Variants in VPS13D observed in about 807,000 individuals in gnomAD.
The protein encoded by VPS13D is vacuolar protein sorting 13 homolog D.
In VPS13D, 187 loss-of-function variants were observed where a neutral mutation model predicts 461.9. The ratio of observed to expected loss-of-function variants is 0.40; its 90% CI spans 0.36 to 0.46. VPS13D has a LOEUF of 0.46. Among genes scored for constraint, VPS13D ranks in the 20% least tolerant of loss-of-function variants. VPS13D has a pLI of 0.60. For synonymous variants in VPS13D, 1,951 were observed against 1,986.3 expected (o/e 0.98, Z 0.47); for missense variants, 4,711 against 5,364.9 (o/e 0.88, Z 3.81).
At chr1:12,325,992 T>C (rs1261116052) in intron 35 of VPS13D, among the ~76,000 whole-genome samples, 3 of 149,762 alleles carry the variant, frequency 2.0e-5, no homozygotes, top group Non-Finnish European at 3.0e-5. Context: ...TTTTTTTTAA[T>C]TTTTCTTTTT....
intron 67 of VPS13D, chr1:12,478,758 A>G: frequency 2.2e-6 from 1 of 454,766 alleles, no homozygotes; most frequent in South Asian, 1.6e-5. Flanking sequence ...GAAACGGGAC[A>G]CCTTAGTGCT....
Position 12,297,162 on chromosome 1 carries a change from A to T in VPS13D, c.6034-2040A>T, listed in dbSNP as rs142200037. 6.4e-3 allele frequency among the ~76,000 whole-genome samples: 969 copies of T among 152,256 alleles called. 31 individuals are homozygous for T. The highest frequency in any genetic ancestry group is 0.053 in the Admixed American group (804 of 15,280). ...GAAATTTAAATTTCTTTCACCTTGT[A>T]TTGGTGACACGTGTTTTTGACATGT... On this transcript the variant is annotated intron_variant, in intron 24 of 69. Transcript: ENST00000620676.
Position 12,473,395 on chromosome 1 carries a change from C to G in VPS13D, c.12662+12999C>G, listed in dbSNP as rs1241988486. ...CAGGAAGCAAGAAGGGGTTCCGCAG[C>G]ACTGGCTGCTTCCGGCATCTGCAGT... On this transcript the variant is annotated intron_variant, in intron 67 of 69. Coordinates refer to ENST00000620676, the MANE Select transcript of VPS13D (RefSeq NM_015378.4). The surrounding 1 kb of genome is among the most constrained non-coding windows in gnomAD (Gnocchi z 4.2). Among the ~76,000 whole-genome samples the G allele has an allele frequency of 1.3e-5, 2 of 152,202 alleles. No individual in the cohort carries two copies. Among genetic ancestry groups the G allele is most frequent in the African/African-American group, 4.8e-5 (2 of 41,452 alleles).
Position 12,460,375 on chromosome 1 carries a change from C to T in VPS13D, c.12641C>T (p.Thr4214Ile). ...ASETAQAVRD[T>I]ATLSGPRTQA... ...GAAACAGCCCAGGCGGTGAGAGACACAGCCACACTCAGCGGCCCCAGGTCA... is the reference window on the plus strand; with the variant it reads ...GAAACAGCCCAGGCGGTGAGAGACATAGCCACACTCAGCGGCCCCAGGTCA... Residue 4214 changes from threonine to isoleucine, a missense_variant, in exon 67 of 70, where the codon ACA (threonine) becomes ATA (isoleucine). Physicochemically the swap from Thr to Ile is moderately conservative, Grantham distance 89 (BLOSUM62 -1). Coordinates refer to ENST00000620676, the MANE Select transcript of VPS13D (RefSeq NM_015378.4). 6.2e-7 allele frequency: 1 copy of T among 1,602,904 alleles called. No individual in the cohort carries two copies. Among genetic ancestry groups the T allele is most frequent in the Non-Finnish European group, 8.5e-7 (1 of 1,174,168 alleles).
intron 57 of VPS13D, among the ~76,000 whole-genome samples, chr1:12,382,217 TCAGCCTCCTGAGTAGCTGG>T (rs1644292607): frequency 6.6e-6 from 1 of 152,020 alleles, no homozygotes; most frequent in South Asian, 2.1e-4. Flanking sequence ...TTCTCCTGCC[TCAGCCTCCTGAGTAGCTGG>T]GATTACAGTT....
chr1:12,244,102 C>T, intron 3 of VPS13D, 144 bp from the exon 4 acceptor site: 1 of 750,068 alleles, frequency 1.3e-6, no homozygotes, highest in East Asian at 2.7e-5. Flanking sequence ...TTCACATGTG[C>T]AAGAGCCTGC....
chr1:12,475,058 C>T (rs185504830), intron 67 of VPS13D, among the ~76,000 whole-genome samples: 12 of 152,080 alleles, frequency 7.9e-5, no homozygotes, highest in African/African-American at 2.4e-4. Flanking sequence ...ATGTATTGTG[C>T]GGAAGTGGCA....
intron 39 of VPS13D, chr1:12,336,409 C>T (rs755171296): frequency 3.3e-5 from 5 of 152,302 alleles, no homozygotes; most frequent in Non-Finnish European, 7.3e-5. Flanking sequence ...TTTAATGCCT[C>T]GCCAGCTCTG....
chr1:12,368,309 A>G (rs908539748), intron 52 of VPS13D, among the ~76,000 whole-genome samples, 159 bp from the exon 53 acceptor site: 1 of 152,162 alleles, frequency 6.6e-6, no homozygotes, highest in Non-Finnish European at 1.5e-5. Context: ...ACCAATTTCT[A>G]CTTTTTTCAG....
chr1:12,348,562 T>G (rs1643726283), intron 44 of VPS13D, among the ~76,000 whole-genome samples: 1 of 152,210 alleles, frequency 6.6e-6, no homozygotes, highest in African/African-American at 2.4e-5. Flanking sequence ...TAGGACTGAT[T>G]TTTCTTAGTG....
intron 67 of VPS13D, among the ~76,000 whole-genome samples, chr1:12,480,181 C>T (rs537808642): frequency 6.6e-6 from 1 of 152,324 alleles, no homozygotes; most frequent in Non-Finnish European, 1.5e-5. Context: ...GCCAGTTTGT[C>T]ACAGAATAGC....
intron 63 of VPS13D, among the ~76,000 whole-genome samples, chr1:12,414,814 A>G (rs1644773904): frequency 6.6e-6 from 1 of 152,238 alleles, no homozygotes; most frequent in Non-Finnish European, 1.5e-5. Context: ...ACAAACAGAT[A>G]CAAAACAGAC....
chr1:12,272,598 G>A (rs1238123859), intron 17 of VPS13D, among the ~76,000 whole-genome samples: 1 of 152,094 alleles, frequency 6.6e-6, no homozygotes, highest in African/African-American at 2.4e-5. Flanking sequence ...AAATGTCAAA[G>A]CTTATGTTTC....
intron 30 of VPS13D, 113 bp from the exon 31 acceptor site, chr1:12,317,959 A>G: frequency 9.5e-7 from 1 of 1,047,518 alleles, no homozygotes; most frequent in South Asian, 1.6e-5. Flanking sequence ...CAAAGCAGGC[A>G]GTTTGGAAAA....
At chr1:12,486,062 G>A (rs1388254221) in intron 67 of VPS13D, among the ~76,000 whole-genome samples, 1 of 152,080 alleles carries the variant, frequency 6.6e-6, no homozygotes, top group East Asian at 1.9e-4. Flanking sequence ...GGCAAGAGGC[G>A]GAAAAAAGAA....
intron 50 of VPS13D, 126 bp from the exon 51 acceptor site, chr1:12,362,594 A>G (rs1203643942): frequency 1.1e-6 from 1 of 934,616 alleles, no homozygotes; most frequent in Non-Finnish European, 1.6e-6. Flanking sequence ...AAGGTTCAAT[A>G]TCCTCTGGGT....
rs777158120 is a variant in VPS13D, at chr1:12,288,317, A to G, written c.5725+4A>G. On this transcript the variant is annotated splice_donor_region_variant and intron_variant, in intron 22 of 69. Coordinates refer to ENST00000620676, the MANE Select transcript of VPS13D (RefSeq NM_015378.4). ...GTAGCACACCTGGAAATGATTGGTA[A>G]GTGGTGGGGGGTGGAGGGAAGCAAA... 1 of 1,613,874 alleles carries G rather than the reference A, an allele frequency of 6.2e-7. No individual in the cohort carries two copies. Among genetic ancestry groups the G allele is most frequent in the South Asian group, 1.1e-5 (1 of 91,056 alleles).
chr1:12,250,695 C>T (rs1367577583), intron 6 of VPS13D, among the ~76,000 whole-genome samples: 2 of 152,274 alleles, frequency 1.3e-5, no homozygotes, highest in Non-Finnish European at 2.9e-5. Context: ...ATCCTAATAA[C>T]CCTACTGAGG....
Position 12,277,223 on chromosome 1 carries a change from A to C in VPS13D, c.3635A>C (p.Asp1212Ala). The C allele has an allele frequency of 6.2e-7, 1 of 1,614,238 alleles. No homozygotes were observed. Among genetic ancestry groups the C allele is most frequent in the Non-Finnish European group, 8.5e-7 (1 of 1,180,038 alleles). The change falls in exon 19 of 70, where the codon GAC becomes GCC. Residue 1212 changes from aspartate (D) to alanine (A), a missense_variant. Coordinates refer to ENST00000620676, the MANE Select transcript of VPS13D (RefSeq NM_015378.4). Reference sequence around the variant, plus strand: ...AATGTCTCAATGGGTAGCACGTTTGACATGAATGGTTCTCTTGGCTGTTTA... The same window carrying C: ...AATGTCTCAATGGGTAGCACGTTTGCCATGAATGGTTCTCTTGGCTGTTTA... ...KVNVSMGSTF[D>A]MNGSLGCLQL...
Sources: allele counts gnomAD v4.1 joint callset (sites outside exome capture counted in the v4.1 genomes callset), GRCh38; gene constraint gnomAD v4.1.1; non-coding constraint Gnocchi (gnomAD v3.1); transcripts MANE v1.5; gene names NCBI Gene and HGNC (gene_info 2026-07-23, HGNC 2026-07-21).